CTNND2: variants seen among roughly 807,000 people sequenced by gnomAD.
CTNND2 encodes catenin delta-2.
CTNND2 carries 22 observed loss-of-function variants against 144.4 expected under a neutral mutation model. That is an observed-to-expected ratio of 0.15 (90% confidence interval 0.11 to 0.22). The LOEUF is 0.22. CTNND2 is among the 10% of genes least tolerant of loss of function. The probability of loss-of-function intolerance (pLI) is 1.00; values close to 1 mark genes in which losing one functional copy is unlikely to be tolerated. For missense variants in CTNND2, 1,353 were observed against 1,618.8 expected (o/e 0.84, Z 2.82); for synonymous variants, 751 against 695.6 (o/e 1.08, Z -1.25).
chr5:11,846,605 T>A (rs1326992092), intron 1 of CTNND2, among the ~76,000 whole-genome samples: 2 of 151,984 alleles, frequency 1.3e-5, no homozygotes, highest in African/African-American at 2.4e-5. Flanking sequence ...TGGGATTACA[T>A]CAAACTCAAA....
intron 18 of CTNND2, among the ~76,000 whole-genome samples, chr5:11,011,158 C>T (rs1289305346): frequency 2.0e-5 from 3 of 152,138 alleles, no homozygotes; most frequent in East Asian, 1.9e-4. Context: ...TTGGGTCTGA[C>T]GTCTGATCTA....
chr5:11,424,874 T>C (rs1294871961), intron 3 of CTNND2, among the ~76,000 whole-genome samples: 1 of 152,100 alleles, frequency 6.6e-6, no homozygotes, highest in Non-Finnish European at 1.5e-5. Context: ...AAGAAACCAT[T>C]GTTGACTTCT....
chr5:11,684,831 A>G (rs947501112), intron 2 of CTNND2, among the ~76,000 whole-genome samples: 8 of 152,228 alleles, frequency 5.3e-5, no homozygotes, highest in Non-Finnish European at 1.0e-4. Context: ...TCCTTCTTCA[A>G]CTGCCTTAAA....
At chr5:11,456,436 T>G (rs548796097) in intron 3 of CTNND2, among the ~76,000 whole-genome samples, 15 of 148,684 alleles carry the variant, frequency 1.0e-4, no homozygotes, top group African/African-American at 3.5e-4. Flanking sequence ...AGGTGTAGAT[T>G]TCTAGTTTCA....
At chr5:11,249,858 A>G (rs1195441968) in intron 9 of CTNND2, among the ~76,000 whole-genome samples, 2 of 152,088 alleles carry the variant, frequency 1.3e-5, no homozygotes, top group African/African-American at 4.8e-5. Flanking sequence ...GTCAAAAAAA[A>G]AAACCAAAAC....
intron 15 of CTNND2, among the ~76,000 whole-genome samples, chr5:11,090,316 G>C (rs1214786784): frequency 6.6e-6 from 1 of 152,208 alleles, no homozygotes; most frequent in Non-Finnish European, 1.5e-5. Context: ...GGCTGAAAAT[G>C]GGTTTCATGT....
At chr5:11,017,946 C>T (rs1305526595) in intron 18 of CTNND2, 28 bp downstream of exon 18, 2 of 1,592,526 alleles carry the variant, frequency 1.3e-6, no homozygotes, top group Non-Finnish European at 1.7e-6. Context: ...AGTGTTTGGA[C>T]TCAGGGCCCA....
In CTNND2 at chr5:11,593,773, C is replaced by G. The variant is rs147851971; in HGVS notation, c.175-28717G>C. Reference sequence around the variant, plus strand: ...TTACACCTTTTTTCCTTTTAAATCACCCAGTCTCCAGTATTTCTTCATAAC... The same window carrying G: ...TTACACCTTTTTTCCTTTTAAATCAGCCAGTCTCCAGTATTTCTTCATAAC... On this transcript the variant is annotated intron_variant, in intron 2 of 21. Coordinates refer to ENST00000304623, the MANE Select transcript of CTNND2 (RefSeq NM_001332.4). Among the ~76,000 whole-genome samples, 5 of 152,276 alleles carry G rather than the reference C, an allele frequency of 3.3e-5. No homozygotes were observed. In the East Asian group the frequency reaches 7.7e-4, roughly 24 times the overall value.
intron 1 of CTNND2, among the ~76,000 whole-genome samples, chr5:11,776,444 G>A (rs1479213542): frequency 6.6e-6 from 1 of 152,192 alleles, no homozygotes; most frequent in Non-Finnish European, 1.5e-5. Context: ...TTTGTGGAGG[G>A]TCAGAGAAGG....
At chr5:11,629,025 C>T (rs1343809246) in intron 2 of CTNND2, among the ~76,000 whole-genome samples, 2 of 152,084 alleles carry the variant, frequency 1.3e-5, no homozygotes, top group Non-Finnish European at 2.9e-5. Context: ...GTGGATGACA[C>T]ATAATTGGGA....
At chr5:11,049,811 C>T (rs937211440) in intron 16 of CTNND2, among the ~76,000 whole-genome samples, 2 of 152,142 alleles carry the variant, frequency 1.3e-5, no homozygotes, top group African/African-American at 4.8e-5. Flanking sequence ...AATATCTCAC[C>T]ATTTATACCT....
intron 2 of CTNND2, among the ~76,000 whole-genome samples, chr5:11,628,088 C>T (rs1171750822): frequency 6.6e-6 from 1 of 151,918 alleles, no homozygotes; most frequent in Non-Finnish European, 1.5e-5. Flanking sequence ...GGGACCCTTG[C>T]TTTATAGAAT....
Position 11,025,390 on chromosome 5 carries a change from G to A in CTNND2, c.2789-2411C>T, listed in dbSNP as rs61750308. ...AAAAAGATTTTTAGCTCTTTCTAGT[G>A]TTTAGAAACTTTGAAGCTGATTAGG... On this transcript the variant is annotated intron_variant, in intron 16 of 21. Coordinates refer to ENST00000304623, the MANE Select transcript of CTNND2 (RefSeq NM_001332.4). Among the ~76,000 whole-genome samples the A allele has an allele frequency of 5.7e-3, 874 of 152,270 alleles. 5 individuals are homozygous for A. Among genetic ancestry groups the A allele is most frequent in the South Asian group, 0.035 (170 of 4,828 alleles).
chr5:11,459,959 C>T (rs996375670), intron 3 of CTNND2, among the ~76,000 whole-genome samples: 2 of 152,144 alleles, frequency 1.3e-5, no homozygotes, highest in African/African-American at 4.8e-5. Context: ...GATTAAATGA[C>T]TATTCTTATA....
At chr5:11,798,351 T>C (rs1791509514) in intron 1 of CTNND2, among the ~76,000 whole-genome samples, 1 of 152,232 alleles carries the variant, frequency 6.6e-6, no homozygotes, top group Non-Finnish European at 1.5e-5. Flanking sequence ...TATTTTCTTT[T>C]AGTGGGGAAC....
At chr5:11,640,513 C>A (rs965486174) in intron 2 of CTNND2, among the ~76,000 whole-genome samples, 3 of 152,054 alleles carry the variant, frequency 2.0e-5, no homozygotes, top group African/African-American at 4.8e-5. Context: ...TAGAAAAAAC[C>A]AACAACAATA....
chr5:11,581,460 A>C (rs1200140234), intron 2 of CTNND2, among the ~76,000 whole-genome samples: 1 of 152,208 alleles, frequency 6.6e-6, no homozygotes, highest in Admixed American at 6.5e-5. Context: ...GTTGATAGTG[A>C]TCCATTAAAC....
intron 1 of CTNND2, among the ~76,000 whole-genome samples, chr5:11,771,451 A>ATAAAG (rs57621257): frequency 0.099 from 15,114 of 151,964 alleles, 2,039 homozygotes; most frequent in African/African-American, 0.31. Flanking sequence ...TAAAATGAAA[A>ATAAAG]ATAAGGAACA....
intron 2 of CTNND2, among the ~76,000 whole-genome samples, chr5:11,729,862 T>C (rs1653078032): frequency 6.6e-6 from 1 of 152,172 alleles, no homozygotes; most frequent in African/African-American, 2.4e-5. Context: ...TAAACTACTT[T>C]TCAACAGCTG....
Sources: allele counts gnomAD v4.1 joint callset (sites outside exome capture counted in the v4.1 genomes callset), GRCh38; gene constraint gnomAD v4.1.1; transcripts MANE v1.5; gene names NCBI Gene and HGNC (gene_info 2026-07-23, HGNC 2026-07-21).